Variants in MYSM1 observed in about 807,000 individuals in gnomAD.
The protein encoded by MYSM1 is Myb like, SWIRM and MPN domains 1.
In MYSM1, 51 loss-of-function variants were observed where a neutral mutation model predicts 116.0. The ratio of observed to expected loss-of-function variants is 0.44; its 90% CI spans 0.35 to 0.56. MYSM1 has a LOEUF of 0.56. Ranked by LOEUF, MYSM1 falls within the 20% of genes least tolerant of loss-of-function variation. The pLI, the probability that MYSM1 is intolerant of heterozygous loss-of-function variation, is 0.00. For missense variants in MYSM1, 900 were observed against 974.9 expected (o/e 0.92, Z 1.02); for synonymous variants, 313 against 315.2 (o/e 0.99, Z 0.07).
chr1:58,679,058 T>C (rs1051801067), intron 8 of MYSM1, among the ~76,000 whole-genome samples: 7 of 152,242 alleles, frequency 4.6e-5, no homozygotes, highest in African/African-American at 1.7e-4. Flanking sequence ...CTGGTTACTA[T>C]TTTAATAAAA....
Position 58,675,999 on chromosome 1 carries a change from ATCT to A in MYSM1, c.1391-422_1391-420del, listed in dbSNP as rs139813347. Among the ~76,000 whole-genome samples, 163 of 152,316 alleles carry A rather than the reference ATCT, an allele frequency of 1.1e-3. 1 individual carries two copies. The highest frequency in any genetic ancestry group is 2.0e-3 in the Non-Finnish European group (136 of 68,030). On this transcript the variant is annotated intron_variant, in intron 9 of 19. Transcript: ENST00000472487. ...AAAAGAAAATCATATCTGACAGAAA[ATCT>A]TCTTGTTAGTTGTCTCCCTTTCATA...
chr1:58,667,234 C>T lies in MYSM1; in HGVS notation c.1843-8G>A, dbSNP rs75243599. On this transcript the variant is annotated splice_region_variant and splice_polypyrimidine_tract_variant and intron_variant, in intron 15 of 19. Coordinates refer to ENST00000472487, the MANE Select transcript of MYSM1 (RefSeq NM_001085487.3). Reference sequence around the variant, plus strand: ...TGGTTCTGCTGCACAGACCTATAAACGATTGATCCTCAAATGATTATACTA... The same window carrying T: ...TGGTTCTGCTGCACAGACCTATAAATGATTGATCCTCAAATGATTATACTA... The T allele has an allele frequency of 4.9e-3, 7,426 of 1,504,988 alleles. 286 individuals carry two copies. The African/African-American group carries it at 0.086, about 17-fold the overall frequency. The allele number at this position is 1,504,988 out of a possible 1,614,324, so 93.2% of individuals were successfully genotyped here.
chr1:58,665,987 A>G (rs1033099905), intron 16 of MYSM1, among the ~76,000 whole-genome samples: 18 of 152,010 alleles, frequency 1.2e-4, no homozygotes, highest in African/African-American at 4.1e-4. Flanking sequence ...AACCTGGGAG[A>G]CAGAGGTTGC....
chr1:58,666,397 C>G (rs1336702236), intron 16 of MYSM1, among the ~76,000 whole-genome samples: 1 of 152,032 alleles, frequency 6.6e-6, no homozygotes, highest in Admixed American at 6.6e-5. Flanking sequence ...AGTCCCTGTC[C>G]TAGTTGTTCC....
intron 1 of MYSM1, among the ~76,000 whole-genome samples, chr1:58,697,762 T>C (rs1053167713): frequency 2.0e-5 from 3 of 151,480 alleles, no homozygotes; most frequent in Admixed American, 1.3e-4. Context: ...GCTAAGTTTG[T>C]ATTTTTAGTA....
chr1:58,661,036 T>A, intron 19 of MYSM1, 134 bp downstream of exon 19: 1 of 667,510 alleles, frequency 1.5e-6, no homozygotes, highest in Non-Finnish European at 2.5e-6. Context: ...AAATTAATTT[T>A]CCAAAGGAAA....
At position 58,668,487 on chromosome 1, in the gene MYSM1, GAA is replaced by G. The variant is rs1159849777; in HGVS notation, c.1767+143_1767+144del. The G allele has an allele frequency of 7.3e-6, 10 of 1,360,602 alleles. No individual in the cohort carries two copies. In the South Asian group the frequency reaches 1.0e-4, roughly 14 times the overall value. 84.3% of individuals were successfully genotyped at this position (1,360,602 alleles called of 1,614,324 possible). A position where few individuals can be genotyped will look rare whatever the true frequency, so the allele number is the denominator to read the frequency against. ...GCAATTGTTTGGCTTTTCTCCAAAA[GAA>G]AAGACTTATTTTTAGATTCCTTGTA... On this transcript the variant is annotated intron_variant, in intron 14 of 19. Coordinates refer to ENST00000472487, the MANE Select transcript of MYSM1 (RefSeq NM_001085487.3).
chr1:58,668,428 A>C, intron 14 of MYSM1: 1 of 1,318,536 alleles, frequency 7.6e-7, no homozygotes, highest in Non-Finnish European at 9.7e-7. Flanking sequence ...GCAAAAACTC[A>C]CATTAATTTA....
At chr1:58,695,005 A>T in intron 2 of MYSM1, 124 bp downstream of exon 2, 1 of 469,082 alleles carries the variant, frequency 2.1e-6, no homozygotes, top group Non-Finnish European at 3.7e-6. Flanking sequence ...AAATTTCTAA[A>T]AAAGAAAAAT....
intron 1 of MYSM1, among the ~76,000 whole-genome samples, chr1:58,698,382 G>A (rs990339242): frequency 6.6e-6 from 1 of 151,774 alleles, no homozygotes; most frequent in Non-Finnish European, 1.5e-5. Context: ...TTACAGGCGT[G>A]AGCCACCATG....
intron 8 of MYSM1, among the ~76,000 whole-genome samples, chr1:58,680,381 A>C (rs1644720848): frequency 6.6e-6 from 1 of 152,226 alleles, no homozygotes; most frequent in African/African-American, 2.4e-5. Context: ...GTTTTAAAAA[A>C]TCAAGTAAGA....
At chr1:58,672,045 A>C (rs1644569695) in intron 11 of MYSM1, 87 bp from the exon 12 acceptor site, 1 of 1,035,308 alleles carries the variant, frequency 9.7e-7, no homozygotes, top group Non-Finnish European at 1.5e-6. Context: ...ATTGAAGGGC[A>C]TGTGAGGACA....
Position 58,681,993 on chromosome 1 carries a change from T to C in MYSM1, c.1051A>G (p.Asn351Asp). 3 of 1,614,138 alleles carry C rather than the reference T, an allele frequency of 1.9e-6. No individual in the cohort carries two copies. The highest frequency in any genetic ancestry group is 2.5e-6 in the Non-Finnish European group (3 of 1,180,024). ...PEPCEIQKNL[N>D]DNEMLFHSCQ... ...GAATGAAAAAGCATTTCATTATCATTCAAATTTTTCTGAATTTCACAAGGC... is the reference window on the plus strand; with the variant it reads ...GAATGAAAAAGCATTTCATTATCATCCAAATTTTTCTGAATTTCACAAGGC... Residue 351 changes from asparagine to aspartate, a missense_variant, in exon 8 of 20, where the codon AAT (asparagine) becomes GAT (aspartate). Transcript: ENST00000472487.
intron 6 of MYSM1, among the ~76,000 whole-genome samples, chr1:58,688,676 AC>A (rs1644862346): frequency 7.7e-6 from 1 of 129,162 alleles, no homozygotes; most frequent in Admixed American, 8.5e-5. Context: ...TTTCAAATAT[AC>A]AAGTTTTTAT....
chr1:58,684,419 G>C (rs1465185142), intron 7 of MYSM1, among the ~76,000 whole-genome samples: 1 of 151,876 alleles, frequency 6.6e-6, no homozygotes, highest in Admixed American at 6.6e-5. Context: ...CAAAAAATTG[G>C]CCAGGTGTGG....
chr1:58,669,692 G>C (rs1644526806), intron 12 of MYSM1, among the ~76,000 whole-genome samples: 1 of 151,748 alleles, frequency 6.6e-6, no homozygotes, highest in Admixed American at 6.6e-5. Flanking sequence ...GCTGAGCGTG[G>C]TGGCGTGTGC....
intron 2 of MYSM1, among the ~76,000 whole-genome samples, chr1:58,694,617 C>CAA (rs574682791): frequency 1.5e-5 from 2 of 136,134 alleles, no homozygotes; most frequent in South Asian, 4.6e-4. Context: ...GACTGCATCT[C>CAA]AAAAAAAAAA....
chr1:58,676,446 G>A (rs1373059462), intron 9 of MYSM1, among the ~76,000 whole-genome samples: 2 of 150,406 alleles, frequency 1.3e-5, no homozygotes, highest in Non-Finnish European at 3.0e-5. Flanking sequence ...TTTAAAATAT[G>A]TATATTCATT....
intron 1 of MYSM1, among the ~76,000 whole-genome samples, chr1:58,699,459 G>A (rs182541425): frequency 9.8e-5 from 15 of 152,288 alleles, no homozygotes; most frequent in African/African-American, 3.4e-4. Context: ...GGTAGGGCGA[G>A]CAAATGCAGA....
Sources: allele counts gnomAD v4.1 joint callset (sites outside exome capture counted in the v4.1 genomes callset), GRCh38; gene constraint gnomAD v4.1.1; transcripts MANE v1.5; gene names NCBI Gene and HGNC (gene_info 2026-07-23, HGNC 2026-07-21).